CCSER1: variants seen among roughly 807,000 people sequenced by gnomAD.
CCSER1 encodes the protein serine-rich coiled-coil domain-containing protein 1.
A neutral mutation model predicts 82.0 loss-of-function variants in CCSER1; 41 were observed. That is an observed-to-expected ratio of 0.50 (90% CI 0.39 to 0.65). The LOEUF is 0.65. CCSER1 is among the 30% of genes least tolerant of loss of function. CCSER1 has a pLI of 0.00. For synonymous variants in CCSER1, 414 were observed against 383.9 expected (o/e 1.08, Z -0.92); for missense variants, 1,119 against 1,064.2 (o/e 1.05, Z -0.72).
At chr4:91,303,160 C>T (rs1208084525) in intron 10 of CCSER1, among the ~76,000 whole-genome samples, 1 of 151,978 alleles carries the variant, frequency 6.6e-6, no homozygotes, top group East Asian at 1.9e-4. Flanking sequence ...GAATGATGCC[C>T]AGTCACCTGA....
At chr4:91,082,890 T>C (rs1045915528) in intron 9 of CCSER1, among the ~76,000 whole-genome samples, 1 of 152,058 alleles carries the variant, frequency 6.6e-6, no homozygotes, top group Admixed American at 6.6e-5. Flanking sequence ...AGAATGACGA[T>C]CATTAAAAAG....
chr4:91,331,687 G>A (rs575912389), intron 10 of CCSER1, among the ~76,000 whole-genome samples: 10 of 152,174 alleles, frequency 6.6e-5, no homozygotes, highest in East Asian at 1.9e-4. Context: ...TGTTTTGAGC[G>A]TTGATTTTGC....
At chr4:90,336,794 G>A (rs926058826) in intron 3 of CCSER1, among the ~76,000 whole-genome samples, 10 of 152,134 alleles carry the variant, frequency 6.6e-5, no homozygotes, top group African/African-American at 2.4e-4. Context: ...CATTTATAAA[G>A]CAAGGGAATT....
chr4:90,905,826 C>A (rs1161498592), intron 8 of CCSER1, among the ~76,000 whole-genome samples: 2 of 152,076 alleles, frequency 1.3e-5, no homozygotes, highest in Non-Finnish European at 2.9e-5. Flanking sequence ...AGGAGTTGGA[C>A]TCTAAAAGGG....
chr4:90,506,773 A>G (rs893723461), intron 5 of CCSER1, among the ~76,000 whole-genome samples: 3 of 151,818 alleles, frequency 2.0e-5, no homozygotes, highest in Non-Finnish European at 4.4e-5. Context: ...TCCAAAAAAA[A>G]AAAAAATAAA....
intron 4 of CCSER1, among the ~76,000 whole-genome samples, chr4:90,460,079 C>T (rs1159105002): frequency 1.4e-5 from 2 of 146,246 alleles, no homozygotes; most frequent in African/African-American, 2.8e-5. Context: ...GTAATCCCAG[C>T]ACTTTGGGAG....
At chr4:90,243,037 ATCTCTCTCTCTTT>A (rs1720659849) in intron 1 of CCSER1, among the ~76,000 whole-genome samples, 2 of 146,058 alleles carry the variant, frequency 1.4e-5, no homozygotes, top group African/African-American at 2.5e-5. Context: ...CAGCTAGTTG[ATCTCTCTCTCTTT>A]TCTCTCTCTC....
At chr4:90,450,824 C>T (rs1761346288) in intron 4 of CCSER1, among the ~76,000 whole-genome samples, 3 of 152,146 alleles carry the variant, frequency 2.0e-5, no homozygotes, top group Admixed American at 1.3e-4. Context: ...GATTGGGCCT[C>T]TGATAGTTGT....
Position 91,602,112 on chromosome 4 carries a change from A to T in CCSER1, c.*3055A>T, listed in dbSNP as rs927147741. Among the ~76,000 whole-genome samples, 1 of 152,092 alleles carries T rather than the reference A, an allele frequency of 6.6e-6. No individual in the cohort carries two copies. Among genetic ancestry groups the T allele is most frequent in the Admixed American group, 6.6e-5 (1 of 15,236 alleles). On this transcript the variant is annotated 3_prime_UTR_variant, in exon 11 of 11. Transcript: ENST00000509176. ...TACGGTCAGGGTAAAACCTGGAGCC[A>T]CATGTTATTCAAGTTATTTTTGTTA...
intron 3 of CCSER1, 23 bp downstream of exon 3, chr4:90,313,070 C>G (rs774677238): frequency 1.3e-6 from 2 of 1,547,226 alleles, no homozygotes; most frequent in South Asian, 1.2e-5. Flanking sequence ...ATATGTCTGC[C>G]TCTAATAAAA....
intron 5 of CCSER1, among the ~76,000 whole-genome samples, chr4:90,595,540 G>A (rs1043170946): frequency 6.6e-6 from 1 of 151,862 alleles, no homozygotes; most frequent in Admixed American, 6.6e-5. Context: ...TCTGAGACAC[G>A]ATTGAAATAA....
At chr4:91,053,888 G>A (rs1017499138) in intron 9 of CCSER1, among the ~76,000 whole-genome samples, 2 of 152,160 alleles carry the variant, frequency 1.3e-5, no homozygotes, top group African/African-American at 4.8e-5. Flanking sequence ...TTAGCTGGAT[G>A]TGTAGTTTCT....
chr4:90,672,991 G>A (rs951204109), intron 6 of CCSER1, among the ~76,000 whole-genome samples: 13 of 151,966 alleles, frequency 8.6e-5, no homozygotes, highest in South Asian at 2.1e-4. Flanking sequence ...CACTGACCAC[G>A]TATCATCGTA....
chr4:91,532,789 G>C (rs1761100510), intron 10 of CCSER1, among the ~76,000 whole-genome samples: 1 of 151,822 alleles, frequency 6.6e-6, no homozygotes, highest in Non-Finnish European at 1.5e-5. Flanking sequence ...AGGATCACTT[G>C]AGTCTGGGAG....
chr4:90,140,911 C>T (rs1054292384), intron 1 of CCSER1, among the ~76,000 whole-genome samples: 5 of 151,668 alleles, frequency 3.3e-5, no homozygotes, highest in Admixed American at 6.6e-5. Context: ...GTGATCTGCC[C>T]GCCTCAGCCT....
intron 4 of CCSER1, among the ~76,000 whole-genome samples, chr4:90,419,669 T>G (rs990548809): frequency 1.1e-4 from 17 of 151,932 alleles, no homozygotes; most frequent in African/African-American, 3.4e-4. Context: ...GAATGAAGTA[T>G]TGCTGTATTA....
chr4:90,908,339 G>C (rs1725807297), intron 8 of CCSER1, among the ~76,000 whole-genome samples: 1 of 152,052 alleles, frequency 6.6e-6, no homozygotes, highest in African/African-American at 2.4e-5. Flanking sequence ...TCAAGAAACT[G>C]AAAGAAAATG....
chr4:91,282,141 T>C (rs1050343846), intron 10 of CCSER1, among the ~76,000 whole-genome samples: 1 of 152,198 alleles, frequency 6.6e-6, no homozygotes, highest in Non-Finnish European at 1.5e-5. Flanking sequence ...TATTGTGCTG[T>C]AGATTCAAAT....
intron 10 of CCSER1, among the ~76,000 whole-genome samples, chr4:91,136,090 A>T (rs1286179285): frequency 6.6e-6 from 1 of 152,162 alleles, no homozygotes; most frequent in Non-Finnish European, 1.5e-5. Flanking sequence ...ATTTTCTTGC[A>T]TATCAAATCC....
Sources: gnomAD v4.1 joint callset for allele counts (sites outside exome capture counted in the v4.1 genomes callset) on GRCh38, gnomAD v4.1.1 for gene constraint, MANE v1.5 for transcripts, NCBI Gene and HGNC (gene_info 2026-07-23, HGNC 2026-07-21) for gene names.